Variants in BCKDHB observed in about 807,000 individuals in gnomAD.
The protein encoded by BCKDHB is 2-oxoisovalerate dehydrogenase subunit beta, mitochondrial.
Under a neutral mutation model 48.5 loss-of-function variants are expected in BCKDHB, and 41 were observed. The observed-to-expected ratio is 0.85, with a 90% CI of 0.66 to 1.10. BCKDHB has a LOEUF of 1.10. Ranked by LOEUF, BCKDHB falls within the 50% of genes least tolerant of loss-of-function variation. The pLI is 0.00. For synonymous variants in BCKDHB, 201 were observed against 174.8 expected (o/e 1.15, Z -1.18); for missense variants, 496 against 494.2 (o/e 1.00, Z -0.03).
chr6:80,302,320 A>G (rs1022325280), intron 9 of BCKDHB, among the ~76,000 whole-genome samples: 6 of 152,252 alleles, frequency 3.9e-5, no homozygotes, highest in Admixed American at 2.0e-4. Context: ...TACAAAATCA[A>G]TGTACAAAAA....
At chr6:80,390,492 G>A in the BCKDHB span, among the ~76,000 whole-genome samples, 3 of 152,180 alleles carry the variant, frequency 2.0e-5, no homozygotes, top group Admixed American at 2.0e-4. Flanking sequence ...AAACATGTTT[G>A]TGCATGTATA....
intron 8 of BCKDHB, among the ~76,000 whole-genome samples, chr6:80,232,614 T>G (rs1438667327): frequency 6.7e-6 from 1 of 149,998 alleles, no homozygotes; most frequent in Non-Finnish European, 1.5e-5. Flanking sequence ...CTACATGTAT[T>G]AAATTCTCCT....
rs545413403 is a variant in BCKDHB, at chr6:80,273,069, A to G, written c.952-66A>G. ...TATAATTTACTTTTATTACTGATTT[A>G]AAACTACCATCATATATATAAAATA... is the stretch of plus-strand genomic sequence containing the variant. On this transcript the variant is annotated intron_variant, in intron 8 of 9. Coordinates refer to ENST00000320393, the MANE Select transcript of BCKDHB (RefSeq NM_183050.4). 4.3e-5 allele frequency: 53 copies of G among 1,232,108 alleles called. No individual in the cohort carries two copies. The East Asian group carries it at 1.3e-3, about 30-fold the overall frequency. 76.3% of individuals were successfully genotyped at this position (1,232,108 alleles called of 1,614,324 possible).
the BCKDHB span, among the ~76,000 whole-genome samples, chr6:80,409,004 G>T: frequency 2.6e-5 from 4 of 151,976 alleles, no homozygotes; most frequent in Non-Finnish European, 4.4e-5. Flanking sequence ...TCTTTTGCGG[G>T]CATTTAGTGC....
chr6:80,163,402 T>C (rs1222327625), intron 3 of BCKDHB, among the ~76,000 whole-genome samples: 1 of 152,000 alleles, frequency 6.6e-6, no homozygotes, highest in Non-Finnish European at 1.5e-5. Flanking sequence ...ATCTCACTTT[T>C]TAATAGCAGT....
At chr6:80,203,950 T>C (rs1224949287) in intron 8 of BCKDHB, among the ~76,000 whole-genome samples, 2 of 118,638 alleles carry the variant, frequency 1.7e-5, no homozygotes, top group Non-Finnish European at 3.4e-5. Flanking sequence ...GTCTTATCAA[T>C]TAAGTCTAGC....
chr6:80,112,073 C>G (rs1384066999), intron 1 of BCKDHB, among the ~76,000 whole-genome samples: 1 of 152,178 alleles, frequency 6.6e-6, no homozygotes, highest in Non-Finnish European at 1.5e-5. Flanking sequence ...ATTGCTTAGA[C>G]TTATTTACTT....
the BCKDHB span, among the ~76,000 whole-genome samples, chr6:80,393,708 C>T: frequency 6.6e-6 from 1 of 152,228 alleles, no homozygotes; most frequent in Non-Finnish European, 1.5e-5. Flanking sequence ...CTTATTGGAC[C>T]TGCAGCACAG....
At chr6:80,348,740 G>A (rs948748773), downstream of BCKDHB, among the ~76,000 whole-genome samples, 4 of 152,162 alleles carry the variant, frequency 2.6e-5, no homozygotes, top group Non-Finnish European at 5.9e-5. Context: ...TTGGCCTGAT[G>A]GATGAGGAAC....
intron 6 of BCKDHB, among the ~76,000 whole-genome samples, chr6:80,183,915 G>A (rs554994924): frequency 1.3e-5 from 2 of 152,186 alleles, no homozygotes; most frequent in South Asian, 4.1e-4. Flanking sequence ...TTCATGGCTT[G>A]ATAACTCATT....
At chr6:80,277,863 C>T (rs941644539) in intron 9 of BCKDHB, among the ~76,000 whole-genome samples, 1 of 151,584 alleles carries the variant, frequency 6.6e-6, no homozygotes, top group Non-Finnish European at 1.5e-5. Flanking sequence ...TTTATAGGGC[C>T]TATACAAGTC....
intron 9 of BCKDHB, among the ~76,000 whole-genome samples, chr6:80,277,568 T>G (rs1444939686): frequency 6.6e-6 from 1 of 152,026 alleles, no homozygotes; most frequent in Non-Finnish European, 1.5e-5. Context: ...GATAATTTTT[T>G]TTAAAGTTAT....
intron 6 of BCKDHB, among the ~76,000 whole-genome samples, chr6:80,185,329 T>G (rs1457295383): frequency 6.6e-6 from 1 of 151,392 alleles, no homozygotes; most frequent in Non-Finnish European, 1.5e-5. Flanking sequence ...TCCTGCACTG[T>G]TTTTTTTTAA....
chr6:80,264,714 G>T (rs905060173), intron 8 of BCKDHB, among the ~76,000 whole-genome samples: 2 of 152,086 alleles, frequency 1.3e-5, no homozygotes, highest in African/African-American at 4.8e-5. Flanking sequence ...TGCTTTTTAA[G>T]AAAAGAGGAC....
intron 1 of BCKDHB, among the ~76,000 whole-genome samples, chr6:80,108,285 T>C (rs1254461526): frequency 6.6e-6 from 1 of 151,100 alleles, no homozygotes; most frequent in Non-Finnish European, 1.5e-5. Context: ...AAACAGTAGG[T>C]ACCATAAAGG....
the BCKDHB span, among the ~76,000 whole-genome samples, chr6:80,398,037 C>A: frequency 2.7e-4 from 41 of 152,138 alleles, no homozygotes. Flanking sequence ...CTACTGAGAA[C>A]AAAGAATCAT....
chr6:80,406,803 G>A, the BCKDHB span, among the ~76,000 whole-genome samples: 2 of 152,138 alleles, frequency 1.3e-5, no homozygotes, highest in African/African-American at 4.8e-5. Flanking sequence ...CCATTCTGTA[G>A]GTTGCCTGTT....
chr6:80,232,051 G>GT (rs1398307959), intron 8 of BCKDHB, among the ~76,000 whole-genome samples: 2 of 152,164 alleles, frequency 1.3e-5, no homozygotes, highest in East Asian at 3.8e-4. Context: ...AATTTATTCT[G>GT]TTTTTTCAAC....
At chr6:80,246,182 C>A (rs2127924837) in intron 8 of BCKDHB, among the ~76,000 whole-genome samples, 1 of 152,234 alleles carries the variant, frequency 6.6e-6, no homozygotes, top group Non-Finnish European at 1.5e-5. Context: ...ATTCTCTAAC[C>A]TGTGAAAATT....
Sources: allele counts gnomAD v4.1 joint callset (sites outside exome capture counted in the v4.1 genomes callset), GRCh38; gene constraint gnomAD v4.1.1; transcripts MANE v1.5; gene names NCBI Gene and HGNC (gene_info 2026-07-23, HGNC 2026-07-21).